PTPRR: variants seen among roughly 807,000 people sequenced by gnomAD.
The protein encoded by PTPRR is receptor-type tyrosine-protein phosphatase R.
PTPRR carries 38 observed loss-of-function variants against 77.2 expected under a neutral mutation model. That is an observed-to-expected ratio of 0.49 (90% CI 0.38 to 0.65). PTPRR has a LOEUF of 0.65. Ranked by LOEUF, PTPRR falls within the 30% of genes least tolerant of loss-of-function variation. PTPRR has a pLI of 0.00. For missense variants in PTPRR, 744 were observed against 799.2 expected (o/e 0.93, Z 0.83); for synonymous variants, 299 against 283.1 (o/e 1.06, Z -0.57).
At chr12:70,798,580 C>T (rs1407611488) in intron 2 of PTPRR, among the ~76,000 whole-genome samples, 1 of 152,158 alleles carries the variant, frequency 6.6e-6, no homozygotes, top group African/African-American at 2.4e-5. Context: ...GTGCTCCAGC[C>T]ACACTGGCCT....
At chr12:70,872,713 A>C (rs1892982386) in intron 2 of PTPRR, among the ~76,000 whole-genome samples, 2 of 149,728 alleles carry the variant, frequency 1.3e-5, no homozygotes, top group African/African-American at 2.5e-5. Flanking sequence ...AAAAAAAAAA[A>C]AAAAAAACAA....
At chr12:70,790,200 A>T (rs911750337) in intron 2 of PTPRR, among the ~76,000 whole-genome samples, 3 of 152,150 alleles carry the variant, frequency 2.0e-5, no homozygotes, top group Non-Finnish European at 4.4e-5. Flanking sequence ...TCTCCTTTAT[A>T]AACAAAGGTC....
At chr12:70,780,252 AG>A (rs1468136116) in intron 2 of PTPRR, among the ~76,000 whole-genome samples, 1 of 152,138 alleles carries the variant, frequency 6.6e-6, no homozygotes, top group South Asian at 2.1e-4. Context: ...GGCCTCCCAA[AG>A]CGCTGGGATT....
intron 2 of PTPRR, among the ~76,000 whole-genome samples, chr12:70,848,482 T>C (rs1001622591): frequency 6.6e-6 from 1 of 152,108 alleles, no homozygotes; most frequent in East Asian, 1.9e-4. Flanking sequence ...GCCCAGCTAA[T>C]TTTTTAAATT....
chr12:70,713,762 T>C (rs1888919269), intron 6 of PTPRR, among the ~76,000 whole-genome samples: 1 of 152,168 alleles, frequency 6.6e-6, no homozygotes. Flanking sequence ...TATTTTGCGT[T>C]GTAAAATTAT....
intron 5 of PTPRR, among the ~76,000 whole-genome samples, chr12:70,752,720 C>T (rs1046609550): frequency 6.6e-6 from 1 of 152,128 alleles, no homozygotes; most frequent in Non-Finnish European, 1.5e-5. Context: ...TTCTATTCTC[C>T]CCCTTCTCTT....
intron 2 of PTPRR, among the ~76,000 whole-genome samples, chr12:70,873,089 C>G (rs1197495750): frequency 6.6e-6 from 1 of 152,100 alleles, no homozygotes; most frequent in Admixed American, 6.5e-5. Flanking sequence ...GATGAGCTTC[C>G]TGTCTCAAAC....
At chr12:70,831,323 G>A (rs1392798822) in intron 2 of PTPRR, among the ~76,000 whole-genome samples, 1 of 152,142 alleles carries the variant, frequency 6.6e-6, no homozygotes, top group Non-Finnish European at 1.5e-5. Flanking sequence ...TTTATCAGAA[G>A]GTACTACTTC....
At chr12:70,747,136 C>A (rs1890238644) in intron 5 of PTPRR, among the ~76,000 whole-genome samples, 1 of 151,968 alleles carries the variant, frequency 6.6e-6, no homozygotes, top group Non-Finnish European at 1.5e-5. Flanking sequence ...AAGATGAATG[C>A]CTTTATCATG....
intron 10 of PTPRR, among the ~76,000 whole-genome samples, chr12:70,670,787 C>T (rs1247514171): frequency 6.6e-6 from 1 of 152,180 alleles, no homozygotes. Flanking sequence ...TGAACACTGT[C>T]ATTTCAATGT....
chr12:70,641,339 T>C (rs1885991756), intron 13 of PTPRR, among the ~76,000 whole-genome samples: 1 of 152,228 alleles, frequency 6.6e-6, no homozygotes, highest in Admixed American at 6.5e-5. Context: ...TTACCTCACT[T>C]TGAGGCAAGA....
chr12:70,762,020 A>G (rs1230235961), intron 3 of PTPRR, among the ~76,000 whole-genome samples: 3 of 152,232 alleles, frequency 2.0e-5, no homozygotes, highest in Non-Finnish European at 4.4e-5. Context: ...ACAAAATTAC[A>G]TATTAGACAT....
chr12:70,874,876 C>T (rs76671705), intron 2 of PTPRR, among the ~76,000 whole-genome samples: 5 of 130,162 alleles, frequency 3.8e-5, no homozygotes, highest in South Asian at 4.9e-4. Flanking sequence ...TAGCGGAGAT[C>T]GGGCCACTGC....
At chr12:70,738,074 T>G (rs1016109960) in intron 6 of PTPRR, among the ~76,000 whole-genome samples, 1 of 152,220 alleles carries the variant, frequency 6.6e-6, no homozygotes, top group Non-Finnish European at 1.5e-5. Context: ...TGAGTTTGAA[T>G]GTAGAATGGT....
intron 6 of PTPRR, among the ~76,000 whole-genome samples, chr12:70,707,528 C>A (rs1034476472): frequency 6.6e-6 from 1 of 151,856 alleles, no homozygotes; most frequent in Non-Finnish European, 1.5e-5. Context: ...GTTATTTAAC[C>A]AATACTTTAT....
intron 2 of PTPRR, among the ~76,000 whole-genome samples, chr12:70,814,632 G>A (rs756581789): frequency 1.3e-5 from 2 of 152,120 alleles, no homozygotes; most frequent in Non-Finnish European, 2.9e-5. Context: ...AGAGGGGGCC[G>A]GCCCGGCTTT....
In PTPRR at chr12:70,639,020, G is replaced by A. The variant is rs976222958; in HGVS notation, c.*164C>T. On this transcript the variant is annotated 3_prime_UTR_variant, in exon 14 of 14. Coordinates refer to ENST00000283228, the MANE Select transcript of PTPRR (RefSeq NM_002849.4). Reference sequence around the variant, plus strand: ...ACAAATGCATTCATATACACAAGGAGCTGGAAATCTTAAATATGTTGCCCA... The same window carrying A: ...ACAAATGCATTCATATACACAAGGAACTGGAAATCTTAAATATGTTGCCCA... 1.5e-6 allele frequency: 1 copy of A among 647,658 alleles called. No individual in the cohort carries two copies. Among genetic ancestry groups the A allele is most frequent in the Non-Finnish European group, 2.7e-6 (1 of 367,284 alleles). 40.1% of individuals were successfully genotyped at this position (647,658 alleles called of 1,614,324 possible). A position where few individuals can be genotyped will look rare whatever the true frequency, so the allele number is the denominator to read the frequency against.
intron 2 of PTPRR, among the ~76,000 whole-genome samples, chr12:70,870,532 A>G (rs1892941346): frequency 6.6e-6 from 1 of 152,228 alleles, no homozygotes; most frequent in Non-Finnish European, 1.5e-5. Context: ...AAATCTTTAC[A>G]TCTCATTTCA....
chr12:70,674,608 TAC>T (rs1887374584), intron 10 of PTPRR, among the ~76,000 whole-genome samples: 1 of 152,196 alleles, frequency 6.6e-6, no homozygotes, highest in African/African-American at 2.4e-5. Context: ...AGCATATATG[TAC>T]AGTTATTCCT....
Sources: gnomAD v4.1 joint callset for allele counts (sites outside exome capture counted in the v4.1 genomes callset) on GRCh38, gnomAD v4.1.1 for gene constraint, MANE v1.5 for transcripts, NCBI Gene and HGNC (gene_info 2026-07-23, HGNC 2026-07-21) for gene names.